Variants in USP6 observed in about 807,000 individuals in gnomAD.
The protein encoded by USP6 is ubiquitin specific peptidase 6, also known as ubiquitin carboxyl-terminal hydrolase 6.
A neutral mutation model predicts 175.7 loss-of-function variants in USP6; 128 were observed. The observed-to-expected ratio is 0.73, with a 90% CI of 0.63 to 0.84. The LOEUF is 0.84. Among genes scored for constraint, USP6 ranks in the 40% least tolerant of loss-of-function variants. The pLI is 0.00. For missense variants in USP6, 1,498 were observed against 1,760.3 expected (o/e 0.85, Z 2.67); for synonymous variants, 562 against 630.6 (o/e 0.89, Z 1.63).
At chr17:5,148,198 A>G (rs2073664069) in intron 29 of USP6, among the ~76,000 whole-genome samples, 1 of 152,192 alleles carries the variant, frequency 6.6e-6, no homozygotes, top group Non-Finnish European at 1.5e-5. Flanking sequence ...TTTAAATGCA[A>G]CATCTGGGTA....
intron 31 of USP6, among the ~76,000 whole-genome samples, chr17:5,157,181 G>A (rs563105391): frequency 6.6e-6 from 1 of 152,234 alleles, no homozygotes; most frequent in South Asian, 2.1e-4. Flanking sequence ...CACCTCCCGG[G>A]TTCAAGTGAT....
At chr17:5,126,144 C>A (rs1471286181) in intron 6 of USP6, among the ~76,000 whole-genome samples, 2 of 152,152 alleles carry the variant, frequency 1.3e-5, no homozygotes, top group African/African-American at 4.8e-5. Context: ...TGCGCAAGTG[C>A]CTTCTCCGTA....
chr17:5,130,396 T>G lies in USP6; in HGVS notation c.29T>G (p.Leu10Trp). Residue 10 changes from leucine (L) to tryptophan (W), a missense_variant, in exon 10 of 38, where the codon TTG (leucine) becomes TGG (tryptophan). By Grantham distance (61) the Leu-to-Trp change is moderately conservative. Coordinates refer to ENST00000574788, the MANE Select transcript of USP6 (RefSeq NM_001304284.2). MDMVENADSLQAQERKDILM... is the reference protein window; with the variant it reads MDMVENADSWQAQERKDILM... ...GACATGGTAGAGAATGCAGATAGTT[T>G]GCAGGCACAGGAGCGGAAGGACATA... 5 of 1,614,138 alleles carry G rather than the reference T, an allele frequency of 3.1e-6. No individual in the cohort carries two copies. The Admixed American group carries it at 6.7e-5, about 22-fold the overall frequency.
intron 32 of USP6, among the ~76,000 whole-genome samples, chr17:5,162,378 C>A (rs142856727): frequency 6.6e-6 from 1 of 152,100 alleles, no homozygotes; most frequent in Non-Finnish European, 1.5e-5. Flanking sequence ...GAACTCCTGA[C>A]CTCAGGTGAT....
chr17:5,139,148 C>G, intron 21 of USP6, 107 bp from the exon 22 acceptor site: 2 of 1,597,920 alleles, frequency 1.3e-6, no homozygotes, highest in Non-Finnish European at 1.7e-6. Context: ...ACCACAGGGG[C>G]CACACAGAGA....
At chr17:5,123,454 G>C (rs1371345299) in intron 4 of USP6, among the ~76,000 whole-genome samples, 3 of 152,048 alleles carry the variant, frequency 2.0e-5, no homozygotes, top group Non-Finnish European at 4.4e-5. Context: ...GGGGCGGGCA[G>C]GCAGGGGGCC....
chr17:5,169,315 G>A (rs1268285588), intron 35 of USP6, among the ~76,000 whole-genome samples: 2 of 152,210 alleles, frequency 1.3e-5, no homozygotes, highest in Non-Finnish European at 2.9e-5. Context: ...ACTTCACACA[G>A]TGCCTGATGT....
Position 5,125,212 on chromosome 17 carries a change from C to A in USP6, c.-652C>A. On this transcript the variant is annotated 5_prime_UTR_variant, in exon 5 of 38. Transcript: ENST00000574788. ...TGATCTGTGACTGTCTCATCACTGC[C>A]AGATGGAACCACGTAGTTGCAGGAA... 6.3e-6 allele frequency: 1 copy of A among 158,270 alleles called. No individual in the cohort carries two copies. 9.8% of individuals were successfully genotyped at this position (158,270 alleles called of 1,614,324 possible).
At chr17:5,165,135 A>G (rs2074073386) in intron 33 of USP6, among the ~76,000 whole-genome samples, 1 of 152,234 alleles carries the variant, frequency 6.6e-6, no homozygotes, top group Non-Finnish European at 1.5e-5. Context: ...AATACCTTCA[A>G]TATTGAAAAA....
intron 30 of USP6, among the ~76,000 whole-genome samples, chr17:5,153,561 C>T (rs540291721): frequency 3.5e-4 from 54 of 152,326 alleles, no homozygotes; most frequent in African/African-American, 1.3e-3. Context: ...GCTGGAATTA[C>T]AGGCATGAGC....
intron 33 of USP6, among the ~76,000 whole-genome samples, chr17:5,167,540 C>G (rs1472585543): frequency 6.6e-6 from 1 of 152,094 alleles, no homozygotes; most frequent in Non-Finnish European, 1.5e-5. Context: ...GAGACAAGGT[C>G]TCTCTCTGTC....
At chr17:5,155,337 G>A in intron 30 of USP6, 85 bp from the exon 31 acceptor site, 1 of 1,435,382 alleles carries the variant, frequency 7.0e-7, no homozygotes, top group Non-Finnish European at 9.7e-7. Flanking sequence ...TGGTGATAAT[G>A]CCTATCATTG....
chr17:5,144,310 T>C (rs1450901185), intron 25 of USP6, among the ~76,000 whole-genome samples: 4 of 151,820 alleles, frequency 2.6e-5, no homozygotes, highest in Non-Finnish European at 4.4e-5. Context: ...GTATATATTA[T>C]GTACCTGTAA....
intron 21 of USP6, among the ~76,000 whole-genome samples, chr17:5,138,599 C>T (rs1028089861): frequency 2.0e-5 from 3 of 152,084 alleles, no homozygotes; most frequent in African/African-American, 7.2e-5. Flanking sequence ...TTGTGGGAGA[C>T]CCCGCCCCTC....
chr17:5,170,701 A>G lies in USP6; in HGVS notation c.3740A>G (p.His1247Arg), dbSNP rs762561674. 2 of 1,613,976 alleles carry G rather than the reference A, an allele frequency of 1.2e-6. No individual in the cohort carries two copies. The highest frequency in any genetic ancestry group is 2.2e-5 in the East Asian group (1 of 44,878). The change falls in exon 36 of 38, where the codon CAT (histidine) becomes CGT (arginine). Residue 1247 changes from histidine to arginine, a missense_variant. By Grantham distance (29) the His-to-Arg change is conservative (BLOSUM62 0). Transcript: ENST00000574788. Reference protein sequence around the residue: ...CELADALSRGHMRGGSQPELV... With the variant: ...CELADALSRGRMRGGSQPELV... ...CTGGCTGACGCCTTGAGCCGAGGGC[A>G]TATGCGGGGGGGCAGCCAACCAGAG... is the stretch of plus-strand genomic sequence containing the variant.
chr17:5,122,313 C>A (rs1212964525), intron 4 of USP6, among the ~76,000 whole-genome samples: 2 of 152,078 alleles, frequency 1.3e-5, no homozygotes, highest in South Asian at 2.1e-4. Context: ...TTTCTGGTTC[C>A]GATGACTGTG....
At chr17:5,141,334 T>G (rs2073439511) in intron 22 of USP6, 91 bp from the exon 23 acceptor site, 1 of 1,160,252 alleles carries the variant, frequency 8.6e-7, no homozygotes, top group South Asian at 1.4e-5. Context: ...GATTTAGGAA[T>G]AAGATGTCTT....
Position 5,155,418 on chromosome 17 carries a change from A to T in USP6, c.2644-4A>T, listed in dbSNP as rs1373128396. On this transcript the variant is annotated splice_polypyrimidine_tract_variant and splice_region_variant and intron_variant, in intron 30 of 37. Transcript: ENST00000574788. ...CAACTCTCTATTCTCGTTTGTACAT[A>T]CAGATGAGGACAGAACTGTATTTCC... 6.2e-7 allele frequency: 1 copy of T among 1,612,920 alleles called. No homozygotes were observed. Among genetic ancestry groups the T allele is most frequent in the Admixed American group, 1.7e-5 (1 of 59,836 alleles).
chr17:5,118,764 G>C (rs1461690086), intron 2 of USP6, among the ~76,000 whole-genome samples: 1 of 152,216 alleles, frequency 6.6e-6, no homozygotes, highest in African/African-American at 2.4e-5. Context: ...AGGGGAGCTA[G>C]AGAGGGGGTA....
Sources: allele counts gnomAD v4.1 joint callset (sites outside exome capture counted in the v4.1 genomes callset), GRCh38; gene constraint gnomAD v4.1.1; transcripts MANE v1.5; gene names NCBI Gene and HGNC (gene_info 2026-07-23, HGNC 2026-07-21).